Variants in ZNF675 observed in about 807,000 individuals in gnomAD.
ZNF675 encodes TRAF6 inhibitory zinc finger.
A neutral mutation model predicts 56.1 loss-of-function variants in ZNF675; 36 were observed. The observed-to-expected ratio is 0.64, with a 90% CI of 0.49 to 0.85. The LOEUF is 0.85. Among genes scored for constraint, ZNF675 ranks in the 40% least tolerant of loss-of-function variants. ZNF675 has a pLI of 0.00. For synonymous variants in ZNF675, 200 were observed against 218.9 expected, an observed-to-expected ratio of 0.91 and a Z score of 0.76; for missense variants, 663 against 654.2, an observed-to-expected ratio of 1.01 and a Z score of -0.15.
At chr19:23,668,106 G>C (rs988123404) in intron 1 of ZNF675, among the ~76,000 whole-genome samples, 1 of 149,804 alleles carries the variant, frequency 6.7e-6, no homozygotes, top group African/African-American at 2.5e-5. Context: ...GCTAGATACA[G>C]TGTCAACTGG....
chr19:23,684,191 G>A (rs2144802045), intron 1 of ZNF675, among the ~76,000 whole-genome samples: 1 of 151,788 alleles, frequency 6.6e-6, no homozygotes, highest in Admixed American at 6.6e-5. Flanking sequence ...GAACCCGGGA[G>A]GCAGAGCTTG....
chr19:23,684,383 G>C (rs936804743), intron 1 of ZNF675, among the ~76,000 whole-genome samples: 2 of 152,110 alleles, frequency 1.3e-5, no homozygotes, highest in African/African-American at 2.4e-5. Flanking sequence ...AGTGGCTCAT[G>C]CCTGTAATTC....
In ZNF675 at chr19:23,653,665, G is replaced by A. The variant is rs748423787; in HGVS notation, c.1268C>T (p.Pro423Leu). 8.1e-6 allele frequency: 13 copies of A among 1,613,708 alleles called. No homozygotes were observed. In the Admixed American group the frequency reaches 2.0e-4, roughly 25 times the overall value. The change falls in exon 4 of 4, where the codon CCC (proline) becomes CTC (leucine). Residue 423 changes from proline (P) to leucine (L), a missense_variant. Pro to Leu is a moderately conservative substitution (Grantham distance 98, BLOSUM62 -3). Around this residue, in one of 3 missense-constraint regions of ZNF675, gnomAD observed 617 missense variants for 590.5 expected, o/e 1.04. Coordinates refer to ENST00000359788, the MANE Select transcript of ZNF675 (RefSeq NM_138330.3). The stretch of plus-strand genomic sequence containing the variant: ...TTTGCCACATTCTTCACATTTGTAG[G>A]GTTTCTCTCCAGTGTGAATTCTCTT... ...THKRIHTGEK[P>L]YKCEECGKAF...
Position 23,687,203 on chromosome 19 carries a change from C to A in ZNF675, c.-170G>T. ...AAAGGCGCCGCCAAATCCCGGAAGC[C>A]ATCTTGTCTGCTCCAGCTGCGTGCC... is the stretch of plus-strand genomic sequence containing the variant. On this transcript the variant is annotated 5_prime_UTR_variant, in exon 1 of 4. The change abolishes an upstream ATG in the 5' untranslated region. Coordinates refer to ENST00000359788, the MANE Select transcript of ZNF675 (RefSeq NM_138330.3). 1.3e-6 allele frequency: 1 copy of A among 754,078 alleles called. No homozygotes were observed. The highest frequency in any genetic ancestry group is 1.6e-5 in the South Asian group (1 of 62,768). 46.7% of individuals were successfully genotyped at this position (754,078 alleles called of 1,614,324 possible).
chr19:23,669,496 G>A (rs1968201168), intron 1 of ZNF675, among the ~76,000 whole-genome samples: 1 of 151,972 alleles, frequency 6.6e-6, no homozygotes, highest in Non-Finnish European at 1.5e-5. Context: ...GGGGGGTGGG[G>A]GGAGCTTATG....
chr19:23,660,679 A>G (rs2144926212), intron 3 of ZNF675, among the ~76,000 whole-genome samples: 1 of 152,302 alleles, frequency 6.6e-6, no homozygotes, highest in East Asian at 1.9e-4. Flanking sequence ...ATATCAGTGA[A>G]AGATATTAGA....
intron 1 of ZNF675, among the ~76,000 whole-genome samples, chr19:23,673,902 G>A (rs915064136): frequency 6.6e-6 from 1 of 151,820 alleles, no homozygotes; most frequent in Admixed American, 6.6e-5. Context: ...CACAATGATA[G>A]AACATTAAGA....
At chr19:23,672,878 C>G (rs746795523) in intron 1 of ZNF675, among the ~76,000 whole-genome samples, 20 of 152,288 alleles carry the variant, frequency 1.3e-4, no homozygotes, top group Admixed American at 4.6e-4. Context: ...AGGACAGAGG[C>G]TGTTCTCTCT....
intron 3 of ZNF675, among the ~76,000 whole-genome samples, chr19:23,660,715 T>C (rs1280187344): frequency 6.6e-6 from 1 of 152,152 alleles, no homozygotes; most frequent in African/African-American, 2.4e-5. Context: ...CTTGAAAATA[T>C]TTTATGTCTA....
chr19:23,684,131 G>C (rs890888219), intron 1 of ZNF675, among the ~76,000 whole-genome samples: 1 of 151,470 alleles, frequency 6.6e-6, no homozygotes, highest in Non-Finnish European at 1.5e-5. Flanking sequence ...GCGTGGTGGC[G>C]GGCACCTGTA....
intron 3 of ZNF675, chr19:23,655,261 A>C (rs1199799692): frequency 6.6e-6 from 1 of 152,042 alleles, no homozygotes; most frequent in African/African-American, 2.4e-5. Flanking sequence ...AGTAAATTGC[A>C]AACTTCAATT....
intron 1 of ZNF675, among the ~76,000 whole-genome samples, chr19:23,682,893 A>G (rs1290657666): frequency 6.6e-6 from 1 of 151,838 alleles, no homozygotes; most frequent in African/African-American, 2.4e-5. Context: ...ATTTATTTTA[A>G]AAGTTATGTA....
chr19:23,676,121 T>G (rs982155406), intron 1 of ZNF675, among the ~76,000 whole-genome samples: 1 of 151,520 alleles, frequency 6.6e-6, no homozygotes, highest in Non-Finnish European at 1.5e-5. Context: ...AATAAATTCC[T>G]GGACAAATAC....
chr19:23,677,701 C>A (rs1307510908), intron 1 of ZNF675, among the ~76,000 whole-genome samples: 2 of 48,404 alleles, frequency 4.1e-5, no homozygotes, highest in South Asian at 1.1e-3. Flanking sequence ...AGTGAGACTC[C>A]GTCTCAAAAA....
intron 1 of ZNF675, among the ~76,000 whole-genome samples, chr19:23,677,434 G>C (rs1268409057): frequency 6.6e-6 from 1 of 151,660 alleles, no homozygotes; most frequent in Admixed American, 6.6e-5. Context: ...AGCTGGGCAC[G>C]GTGGCTCACG....
intron 1 of ZNF675, 129 bp downstream of exon 1, chr19:23,686,902 G>C: frequency 1.7e-6 from 2 of 1,162,198 alleles, no homozygotes; most frequent in South Asian, 2.5e-5. Context: ...GAGCCGAGCT[G>C]GGGAAGGAGA....
At chr19:23,678,594 A>G (rs1444216841) in intron 1 of ZNF675, among the ~76,000 whole-genome samples, 1 of 151,530 alleles carries the variant, frequency 6.6e-6, no homozygotes, top group Non-Finnish European at 1.5e-5. Flanking sequence ...TTAAATACAT[A>G]TGGAACCAAA....
chr19:23,663,764 G>C lies in ZNF675; in HGVS notation c.4-606C>G, dbSNP rs1426156186. ...CATAAACACAAACACGTAGCTTTTTGAGTGCTTCACAAGCTTCTGTGTAAT... is the reference window on the plus strand; with the variant it reads ...CATAAACACAAACACGTAGCTTTTTCAGTGCTTCACAAGCTTCTGTGTAAT... On this transcript the variant is annotated intron_variant, in intron 1 of 3. Transcript: ENST00000359788. Among the ~76,000 whole-genome samples the C allele has an allele frequency of 5.9e-5, 9 of 152,272 alleles. No individual in the cohort carries two copies. In the East Asian group the frequency reaches 1.7e-3, roughly 29 times the overall value.
chr19:23,673,267 G>A (rs1371190219), intron 1 of ZNF675, among the ~76,000 whole-genome samples: 1 of 152,184 alleles, frequency 6.6e-6, no homozygotes, highest in Non-Finnish European at 1.5e-5. Flanking sequence ...TTCAGTAACA[G>A]GAGGAAGTGG....
Sources: allele counts gnomAD v4.1 joint callset (sites outside exome capture counted in the v4.1 genomes callset), GRCh38; gene constraint gnomAD v4.1.1; regional missense constraint gnomAD v4.1.1; transcripts MANE v1.5; gene names NCBI Gene and HGNC (gene_info 2026-07-23, HGNC 2026-07-21).